CYP2J2: variants seen among roughly 807,000 people sequenced by gnomAD.
The protein encoded by CYP2J2 is cytochrome P450 family 2 subfamily J member 2.
CYP2J2 carries 41 observed loss-of-function variants against 48.8 expected under a neutral mutation model. The ratio of observed to expected loss-of-function variants is 0.84; its 90% CI spans 0.66 to 1.09. The LOEUF (loss-of-function observed/expected upper bound fraction) is 1.09, where lower values mean the gene tolerates loss of function less well. Ranked by LOEUF, CYP2J2 falls within the 50% of genes least tolerant of loss-of-function variation. CYP2J2 has a pLI of 0.00. For synonymous variants in CYP2J2, 221 were observed against 227.1 expected (o/e 0.97, Z 0.24); for missense variants, 644 against 617.3 (o/e 1.04, Z -0.46).
Position 59,893,700 on chromosome 1 carries a change from A to T in CYP2J2, c.1460T>A (p.Ile487Asn). 1 of 1,613,546 alleles carries T rather than the reference A, an allele frequency of 6.2e-7. No homozygotes were observed. The highest frequency in any genetic ancestry group is 8.5e-7 in the Non-Finnish European group (1 of 1,179,730). ...GCGGTGACTGACTGGGGAAATGGTG[A>T]TACCCATTCTAAACTTCAGGCTCAG... ...EKLSLKFRMG[I>N]TISPVSHRLC... is the part of the protein sequence containing the mutation. The change falls in exon 9 of 9, where the codon ATC (isoleucine) becomes AAC (asparagine). Residue 487 changes from isoleucine to asparagine, a missense_variant. Coordinates refer to ENST00000371204, the MANE Select transcript of CYP2J2 (RefSeq NM_000775.4).
At chr1:59,957,705 A>C in the CYP2J2 span, among the ~76,000 whole-genome samples, 4 of 150,686 alleles carry the variant, frequency 2.7e-5, no homozygotes, top group East Asian at 2.0e-4. Flanking sequence ...CACACACACC[A>C]CACACACACA....
At chr1:59,937,737 G>T in the CYP2J2 span, among the ~76,000 whole-genome samples, 306 of 151,930 alleles carry the variant, frequency 2.0e-3, 1 homozygote, top group African/African-American at 7.0e-3. Context: ...AGATTCTTAG[G>T]CATGCTTTAT....
chr1:59,931,541 T>G (rs995577490), upstream of CYP2J2, among the ~76,000 whole-genome samples: 6 of 152,134 alleles, frequency 3.9e-5, no homozygotes, highest in African/African-American at 1.4e-4. Context: ...TAACATATTG[T>G]CTTAGTATTA....
chr1:59,964,454 C>T, the CYP2J2 span, among the ~76,000 whole-genome samples: 28 of 152,184 alleles, frequency 1.8e-4, no homozygotes, highest in African/African-American at 6.8e-4. Flanking sequence ...TCTCAAAAGG[C>T]TGCAACTAAT....
chr1:59,898,463 G>A (rs569238951), intron 8 of CYP2J2, among the ~76,000 whole-genome samples: 2 of 152,326 alleles, frequency 1.3e-5, no homozygotes, highest in South Asian at 4.1e-4. Context: ...TATCCAGGGG[G>A]CCGAGCCAAG....
chr1:59,919,534 T>A (rs186536011), intron 1 of CYP2J2, among the ~76,000 whole-genome samples: 136 of 152,326 alleles, frequency 8.9e-4, no homozygotes, highest in African/African-American at 3.1e-3. Flanking sequence ...TGTCTCACTG[T>A]GTATGTATTG....
chr1:59,960,194 G>A, the CYP2J2 span, among the ~76,000 whole-genome samples: 6 of 152,090 alleles, frequency 3.9e-5, no homozygotes, highest in African/African-American at 1.4e-4. Flanking sequence ...AGGTGATATA[G>A]GGAAGGGAAA....
the CYP2J2 span, among the ~76,000 whole-genome samples, chr1:59,966,568 G>A: frequency 2.0e-5 from 3 of 152,258 alleles, no homozygotes; most frequent in South Asian, 6.2e-4. Flanking sequence ...TTTGCCTAAT[G>A]CAACATGAAA....
At chr1:59,968,809 C>T in the CYP2J2 span, among the ~76,000 whole-genome samples, 665 of 152,136 alleles carry the variant, frequency 4.4e-3, 8 homozygotes, top group African/African-American at 0.015. Context: ...TGATGTGTCT[C>T]GAATTGGTGG....
At chr1:59,951,335 C>T in the CYP2J2 span, among the ~76,000 whole-genome samples, 2 of 152,080 alleles carry the variant, frequency 1.3e-5, no homozygotes, top group Non-Finnish European at 2.9e-5. Context: ...TTTCAAGGCC[C>T]AGAAAAATGT....
the CYP2J2 span, among the ~76,000 whole-genome samples, chr1:59,959,940 T>C: frequency 6.6e-6 from 1 of 152,034 alleles, no homozygotes; most frequent in Non-Finnish European, 1.5e-5. Context: ...ACACACTGGG[T>C]ACAGTGTACA....
chr1:59,945,422 CTA>C, the CYP2J2 span, among the ~76,000 whole-genome samples: 4,174 of 151,468 alleles, frequency 0.028, 60 homozygotes, highest in Non-Finnish European at 0.033. Context: ...ATCTATCTAT[CTA>C]TCTATCTATC....
intron 8 of CYP2J2, 120 bp downstream of exon 8, chr1:59,900,845 G>A (rs974147669): frequency 8.8e-7 from 1 of 1,141,768 alleles, no homozygotes; most frequent in African/African-American, 1.5e-5. Context: ...AAGATGGAGT[G>A]AGTCGCACTG....
chr1:59,934,628 A>T, the CYP2J2 span, among the ~76,000 whole-genome samples: 1 of 152,042 alleles, frequency 6.6e-6, no homozygotes, highest in African/African-American at 2.4e-5. Flanking sequence ...CTAATCATCA[A>T]GGAAATGCAA....
upstream of CYP2J2, among the ~76,000 whole-genome samples, chr1:59,927,390 TG>T (rs138763360): frequency 8.0e-3 from 1,222 of 152,300 alleles, 6 homozygotes; most frequent in Non-Finnish European, 0.012. Flanking sequence ...CGATCCTTGC[TG>T]GTTTGCTCTA....
rs1644376962 is a variant in CYP2J2, at chr1:59,907,779, T to C, written c.1003+7A>G. 2 of 1,613,856 alleles carry C rather than the reference T, an allele frequency of 1.2e-6. No homozygotes were observed. The highest frequency in any genetic ancestry group is 2.2e-5 in the East Asian group (1 of 44,870). The stretch of plus-strand genomic sequence containing the variant: ...CCTGGTTCAGGCTTACTCACTGACA[T>C]GCTCACCTTGGATTTCTGGGTAGAG... On this transcript the variant is annotated splice_region_variant and intron_variant, in intron 6 of 8. Transcript: ENST00000371204.
At chr1:59,912,130 A>C in intron 3 of CYP2J2, 32 bp downstream of exon 3, 1 of 1,591,346 alleles carries the variant, frequency 6.3e-7, no homozygotes, top group Non-Finnish European at 8.6e-7. Flanking sequence ...AATGGGCCAC[A>C]GTCTCTCACC....
chr1:59,932,831 G>A, the CYP2J2 span, among the ~76,000 whole-genome samples: 1 of 151,872 alleles, frequency 6.6e-6, no homozygotes, highest in Non-Finnish European at 1.5e-5. Context: ...CCCCTGAGTA[G>A]CTGGGATTAC....
the CYP2J2 span, among the ~76,000 whole-genome samples, chr1:59,943,727 C>T: frequency 6.6e-6 from 1 of 151,442 alleles, no homozygotes; most frequent in Admixed American, 6.6e-5. Flanking sequence ...AGGGAAAGTC[C>T]GACATCATCA....
Sources: gnomAD v4.1 joint callset for allele counts (sites outside exome capture counted in the v4.1 genomes callset) on GRCh38, gnomAD v4.1.1 for gene constraint, MANE v1.5 for transcripts, NCBI Gene and HGNC (gene_info 2026-07-23, HGNC 2026-07-21) for gene names.